GLCCI1: variants seen among roughly 807,000 people sequenced by gnomAD.
GLCCI1 encodes the protein glucocorticoid-induced transcript 1 protein.
Under a neutral mutation model 52.2 loss-of-function variants are expected in GLCCI1, and 24 were observed. That is an observed-to-expected ratio of 0.46 (90% CI 0.33 to 0.65). The LOEUF (loss-of-function observed/expected upper bound fraction) is 0.65. GLCCI1 is among the 30% of genes least tolerant of loss of function. The probability of loss-of-function intolerance (pLI) is 0.02; values close to 1 mark genes in which losing one functional copy is unlikely to be tolerated. For missense variants in GLCCI1, 704 were observed against 701.5 expected, an observed-to-expected ratio of 1.00 and a Z score of -0.04; for synonymous variants, 310 against 276.5, an observed-to-expected ratio of 1.12 and a Z score of -1.20.
In GLCCI1 at chr7:8,088,841, G is replaced by A. The variant is rs1042812347; in HGVS notation, c.*2303G>A. 1.3e-5 allele frequency: 2 copies of A among 152,636 alleles called. No homozygotes were observed. The highest frequency in any genetic ancestry group is 4.8e-5 in the African/African-American group (2 of 41,446). 9.5% of individuals were successfully genotyped at this position (152,636 alleles called of 1,614,324 possible). On this transcript the variant is annotated 3_prime_UTR_variant, in exon 8 of 8. Coordinates refer to ENST00000223145, the MANE Select transcript of GLCCI1 (RefSeq NM_138426.4). ...TGTGTTAAAGCTTACGCTTTGCCAT[G>A]TAAATTTCCCAGAAGTTGTTGAGCT...
chr7:8,009,302 A>T (rs1281123789), intron 2 of GLCCI1, among the ~76,000 whole-genome samples: 1 of 152,174 alleles, frequency 6.6e-6, no homozygotes, highest in Non-Finnish European at 1.5e-5. Flanking sequence ...CTCAGTCTTC[A>T]CCCCATAGTC....
At chr7:7,977,623 G>T (rs1382467043) in intron 1 of GLCCI1, among the ~76,000 whole-genome samples, 2 of 152,114 alleles carry the variant, frequency 1.3e-5, no homozygotes, top group Non-Finnish European at 2.9e-5. Context: ...CTTATCTTCT[G>T]TGTCTTTAAA....
chr7:8,037,014 C>T (rs1231484366), intron 3 of GLCCI1, among the ~76,000 whole-genome samples: 1 of 152,094 alleles, frequency 6.6e-6, no homozygotes, highest in Non-Finnish European at 1.5e-5. Context: ...TCTCATCTTA[C>T]TAGAGATTTA....
chr7:8,029,498 AAAAAG>A (rs1313152974), intron 3 of GLCCI1, among the ~76,000 whole-genome samples: 52 of 152,222 alleles, frequency 3.4e-4, no homozygotes, highest in African/African-American at 1.2e-3. Context: ...CTGAATAGGG[AAAAAG>A]AAAAGAAGGA....
At chr7:7,982,956 A>C (rs1780651887) in intron 1 of GLCCI1, among the ~76,000 whole-genome samples, 1 of 152,178 alleles carries the variant, frequency 6.6e-6, no homozygotes, top group Non-Finnish European at 1.5e-5. Flanking sequence ...AATTATAAAA[A>C]ATATTAGAAT....
chr7:8,080,841 G>GT (rs199681673), intron 6 of GLCCI1, among the ~76,000 whole-genome samples: 9,793 of 128,184 alleles, frequency 0.076, 404 homozygotes, highest in East Asian at 0.2. Flanking sequence ...TGGTTTTGGG[G>GT]TTTTTTTTTT....
chr7:7,998,088 G>A (rs989367887), intron 1 of GLCCI1, among the ~76,000 whole-genome samples: 3 of 151,072 alleles, frequency 2.0e-5, no homozygotes, highest in African/African-American at 7.3e-5. Flanking sequence ...AGAGCAGTCT[G>A]ATTTAATTTT....
intron 1 of GLCCI1, among the ~76,000 whole-genome samples, chr7:7,983,112 T>C (rs1780655817): frequency 6.6e-6 from 1 of 152,180 alleles, no homozygotes; most frequent in Non-Finnish European, 1.5e-5. Flanking sequence ...AGTTAACTTC[T>C]TGGTAAAGCA....
intron 3 of GLCCI1, among the ~76,000 whole-genome samples, chr7:8,025,541 GA>G (rs904061963): frequency 4.6e-5 from 7 of 150,808 alleles, no homozygotes; most frequent in South Asian, 2.1e-4. Context: ...GAACAGAGAG[GA>G]AAAAAAAATT....
At chr7:8,004,886 C>T (rs38015) in intron 2 of GLCCI1, among the ~76,000 whole-genome samples, 93,338 of 151,994 alleles carry the variant, frequency 0.61, 29,306 homozygotes, top group African/African-American at 0.76. Flanking sequence ...GTTTCATGTC[C>T]GAAGACTGAG....
rs542919220 is a variant in GLCCI1 at position 7,990,483 on chromosome 7, G to A, written c.458-13425G>A. Among the ~76,000 whole-genome samples, 6 of 152,160 alleles carry A rather than the reference G, an allele frequency of 3.9e-5. No homozygotes were observed. The South Asian group carries it at 1.2e-3, about 32-fold the overall frequency. On this transcript the variant is annotated intron_variant, in intron 1 of 7. Coordinates refer to ENST00000223145, the MANE Select transcript of GLCCI1 (RefSeq NM_138426.4). ...TGTTATGACACTTTGCCCTACACTTGTTTATGCTGCTGGTTGTTTTATTTC... is the reference window on the plus strand; with the variant it reads ...TGTTATGACACTTTGCCCTACACTTATTTATGCTGCTGGTTGTTTTATTTC...
At chr7:8,005,394 C>G (rs1379172202) in intron 2 of GLCCI1, among the ~76,000 whole-genome samples, 1 of 152,072 alleles carries the variant, frequency 6.6e-6, no homozygotes, top group Non-Finnish European at 1.5e-5. Context: ...CTGAAAGCAG[C>G]AAGAGGAGGA....
intron 3 of GLCCI1, among the ~76,000 whole-genome samples, chr7:8,023,723 C>G (rs910472154): frequency 1.3e-5 from 2 of 150,670 alleles, no homozygotes; most frequent in East Asian, 3.9e-4. Context: ...CTCAGCCACC[C>G]GAGTAGCTGG....
intron 1 of GLCCI1, among the ~76,000 whole-genome samples, chr7:7,972,864 A>G (rs1164524665): frequency 1.3e-5 from 2 of 152,204 alleles, no homozygotes; most frequent in African/African-American, 4.8e-5. Context: ...GAAATACGTA[A>G]ATTGCCAAAT....
At chr7:8,057,137 G>A (rs1302054703) in intron 4 of GLCCI1, among the ~76,000 whole-genome samples, 1 of 152,148 alleles carries the variant, frequency 6.6e-6, no homozygotes, top group Non-Finnish European at 1.5e-5. Context: ...CAAACATTTT[G>A]TCATTTTCTT....
At chr7:8,049,791 C>T (rs577994134) in intron 3 of GLCCI1, among the ~76,000 whole-genome samples, 3 of 152,252 alleles carry the variant, frequency 2.0e-5, no homozygotes, top group South Asian at 2.1e-4. Flanking sequence ...TCAGTAGCAT[C>T]GCTAGGTAAT....
At chr7:8,001,652 A>G (rs1781051256) in intron 1 of GLCCI1, among the ~76,000 whole-genome samples, 3 of 152,244 alleles carry the variant, frequency 2.0e-5, no homozygotes, top group African/African-American at 7.2e-5. Context: ...ACACATGCAC[A>G]CGTATGTTTA....
intron 6 of GLCCI1, among the ~76,000 whole-genome samples, chr7:8,082,700 G>A (rs1374653205): frequency 1.1e-4 from 17 of 152,078 alleles, no homozygotes. Flanking sequence ...GCAGAATAAT[G>A]TTTAAGAGGG....
At chr7:8,005,270 AAG>A (rs1781125229) in intron 2 of GLCCI1, among the ~76,000 whole-genome samples, 1 of 152,202 alleles carries the variant, frequency 6.6e-6, no homozygotes, top group Middle Eastern at 3.4e-3. Context: ...TAATTTTAAA[AAG>A]AAAAAAATTT....
Sources: allele counts gnomAD v4.1 joint callset (sites outside exome capture counted in the v4.1 genomes callset), GRCh38; gene constraint gnomAD v4.1.1; transcripts MANE v1.5; gene names NCBI Gene and HGNC (gene_info 2026-07-23, HGNC 2026-07-21).